WDFY4: variants seen among roughly 807,000 people sequenced by gnomAD.
WDFY4 encodes the protein WDFY family member 4.
WDFY4 carries 169 observed loss-of-function variants against 351.9 expected under a neutral mutation model. That is an observed-to-expected ratio of 0.48 (90% CI 0.42 to 0.55). The LOEUF (loss-of-function observed/expected upper bound fraction) is 0.55, where lower values mean the gene tolerates loss of function less well. WDFY4 is among the 20% of genes least tolerant of loss of function. The probability of loss-of-function intolerance (pLI) is 0.00; values close to 1 mark genes in which losing one functional copy is unlikely to be tolerated. For missense variants in WDFY4, 3,803 were observed against 3,935.6 expected, an observed-to-expected ratio of 0.97 and a Z score of 0.90; for synonymous variants, 1,622 against 1,574.6, an observed-to-expected ratio of 1.03 and a Z score of -0.71.
chr10:48,913,503 C>A (rs773741095), intron 47 of WDFY4: 1 of 1,613,758 alleles, frequency 6.2e-7, no homozygotes. Flanking sequence ...CAGGTTGTCC[C>A]GGGCGTTTTG....
chr10:48,815,445 C>A (rs1312222478), intron 31 of WDFY4, among the ~76,000 whole-genome samples: 1 of 151,932 alleles, frequency 6.6e-6, no homozygotes, highest in Admixed American at 6.6e-5. Context: ...CACTTTTTGC[C>A]CTTTTTGAAA....
intron 36 of WDFY4, among the ~76,000 whole-genome samples, chr10:48,828,087 G>T (rs1271049421): frequency 6.6e-6 from 1 of 152,120 alleles, no homozygotes; most frequent in Non-Finnish European, 1.5e-5. Flanking sequence ...TCCTTTCCAT[G>T]TTTGTCATTT....
At position 48,805,439 on chromosome 10, in the gene WDFY4, C is replaced by A; in HGVS notation, c.4646+18C>A. The A allele has an allele frequency of 6.5e-7, 1 of 1,545,744 alleles. No individual in the cohort carries two copies. Among genetic ancestry groups the A allele is most frequent in the African/African-American group, 1.4e-5 (1 of 73,154 alleles). ...TTGCTCAGGTACCACACCAAGCTGC[C>A]CAGGGGGAAGAGCAGGGCCCCAGGG... On this transcript the variant is annotated intron_variant, in intron 26 of 61. Transcript: ENST00000325239.
chr10:48,826,648 T>C, intron 35 of WDFY4, 23 bp from the exon 36 acceptor site: 1 of 1,516,944 alleles, frequency 6.6e-7, no homozygotes, highest in Admixed American at 2.0e-5. Context: ...TTTGTGTATG[T>C]GTATGTTTTT....
intron 1 of WDFY4, among the ~76,000 whole-genome samples, chr10:48,704,294 A>C (rs1452572804): frequency 6.6e-6 from 1 of 152,106 alleles, no homozygotes; most frequent in East Asian, 1.9e-4. Flanking sequence ...TCCTGGCCCC[A>C]CTGCCCCCTC....
intron 23 of WDFY4, among the ~76,000 whole-genome samples, chr10:48,795,641 C>T (rs970826971): frequency 3.0e-4 from 45 of 151,566 alleles, no homozygotes; most frequent in African/African-American, 9.0e-4. Flanking sequence ...GGAGAAAGGG[C>T]GGGCTGTGTT....
rs763003870 is a variant in WDFY4, at chr10:48,776,737, C to T, written c.2864-13C>T. The T allele has an allele frequency of 5.2e-5, 79 of 1,512,218 alleles. No individual in the cohort carries two copies. In the African/African-American group the frequency reaches 9.5e-4, roughly 18 times the overall value. 93.7% of individuals were successfully genotyped at this position (1,512,218 alleles called of 1,614,324 possible). ...GAGCAGAGACACATCTCTTCTCTTG[C>T]TTGCTGCCCTAGGGTCACAGACTGC... On this transcript the variant is annotated splice_polypyrimidine_tract_variant and intron_variant, in intron 15 of 61. Transcript: ENST00000325239.
intron 12 of WDFY4, among the ~76,000 whole-genome samples, chr10:48,755,003 TAG>T (rs891621757): frequency 1.2e-4 from 18 of 152,264 alleles, no homozygotes; most frequent in African/African-American, 4.3e-4. Flanking sequence ...AATTCATGTG[TAG>T]AGTCACACGA....
chr10:48,895,645 T>G (rs17011395), intron 44 of WDFY4, among the ~76,000 whole-genome samples: 34 of 152,212 alleles, frequency 2.2e-4, no homozygotes, highest in African/African-American at 8.0e-4. Context: ...TGTGTCCAGA[T>G]GATGAAAAGC....
intron 38 of WDFY4, among the ~76,000 whole-genome samples, chr10:48,831,237 C>T (rs1264442800): frequency 6.6e-6 from 1 of 152,194 alleles, no homozygotes; most frequent in African/African-American, 2.4e-5. Flanking sequence ...CACTGTCATG[C>T]AATGTCCTTG....
At chr10:48,787,886 T>TTCC (rs2066489317) in intron 20 of WDFY4, among the ~76,000 whole-genome samples, 1 of 82,154 alleles carries the variant, frequency 1.2e-5, no homozygotes, top group Admixed American at 1.1e-4. Flanking sequence ...TTCTTTCTTC[T>TTCC]TCTTCTCCTT....
chr10:48,897,525 A>G lies in WDFY4; in HGVS notation c.7388A>G (p.His2463Arg). Residue 2463 changes from histidine (H) to arginine (R), a missense_variant, in exon 45 of 62, where the codon CAC becomes CGC. This residue lies in a region of WDFY4 where 3,054 missense variants were observed against 3,148.6 expected (regional missense o/e 0.97). Coordinates refer to ENST00000325239, the MANE Select transcript of WDFY4 (RefSeq NM_001394531.1). ...RSTDHYSCQC[H>R]SYADMRELRQ... is the part of the protein sequence containing the mutation. ...ACTGACCATTACTCGTGCCAGTGCCACAGCTACGCTGACATGCGGGAGCTA... is the reference window on the plus strand; with the variant it reads ...ACTGACCATTACTCGTGCCAGTGCCGCAGCTACGCTGACATGCGGGAGCTA... The G allele has an allele frequency of 6.4e-7, 1 of 1,551,172 alleles. No individual in the cohort carries two copies. The highest frequency in any genetic ancestry group is 8.7e-7 in the Non-Finnish European group (1 of 1,147,002).
Position 48,873,498 on chromosome 10 carries a change from A to C in WDFY4, c.6749A>C (p.Lys2250Thr). ...TCTGTTTCTGCTCCCCAGAGGCGAA[A>C]ATGTGGCAACATCAAGGCAGCCAAC... is the stretch of plus-strand genomic sequence containing the variant. ...SLYKDHVQRR[K>T]CGNIKAANAW... Residue 2250 changes from lysine to threonine, a missense_variant, in exon 41 of 62, where the codon AAA (lysine) becomes ACA (threonine). Around this residue, in one of 3 missense-constraint regions of WDFY4, gnomAD observed 3,054 missense variants for 3,148.6 expected, o/e 0.97. Coordinates refer to ENST00000325239, the MANE Select transcript of WDFY4 (RefSeq NM_001394531.1). The C allele has an allele frequency of 6.5e-7, 1 of 1,549,004 alleles. No individual in the cohort carries two copies. The highest frequency in any genetic ancestry group is 8.7e-7 in the Non-Finnish European group (1 of 1,145,746).
chr10:48,890,681 CTG>C lies in WDFY4; in HGVS notation c.7272_7273del (p.Pro2426HisfsTer3). The C allele has an allele frequency of 6.4e-7, 1 of 1,551,714 alleles. No homozygotes were observed. The highest frequency in any genetic ancestry group is 8.7e-7 in the Non-Finnish European group (1 of 1,146,978). ...QHFYICENFT[L>X]SPTGDVYCTR... ...CTTCTACATCTGCGAGAACTTCACA[CTG>C]TCTCCCACGGGTGATGTCTACTGTA... On this transcript the variant is annotated frameshift_variant, in exon 44 of 62. Coordinates refer to ENST00000325239, the MANE Select transcript of WDFY4 (RefSeq NM_001394531.1). LOFTEE classifies it high-confidence loss of function.
Position 48,743,524 on chromosome 10 carries a change from A to G in WDFY4, c.2435A>G (p.Lys812Arg). 1 of 1,537,306 alleles carries G rather than the reference A, an allele frequency of 6.5e-7. No individual in the cohort carries two copies. The highest frequency in any genetic ancestry group is 8.7e-7 in the Non-Finnish European group (1 of 1,145,476). ...ETGSDPQRNF[K>R]QWPDLEERMD... ...GGCAGTGACCCCCAACGCAACTTCAAGCAGTGGCCAGACCTGGAGGAGAGG... is the reference window on the plus strand; with the variant it reads ...GGCAGTGACCCCCAACGCAACTTCAGGCAGTGGCCAGACCTGGAGGAGAGG... Residue 812 changes from lysine (K) to arginine (R), a missense_variant, in exon 12 of 62, where the codon AAG becomes AGG. Around this residue, in one of 3 missense-constraint regions of WDFY4, gnomAD observed 3,054 missense variants for 3,148.6 expected, o/e 0.97. Transcript: ENST00000325239.
intron 1 of WDFY4, among the ~76,000 whole-genome samples, chr10:48,690,292 A>G (rs1439503299): frequency 6.6e-6 from 1 of 152,238 alleles, no homozygotes; most frequent in Non-Finnish European, 1.5e-5. Context: ...GGAAAAGGGC[A>G]ATGTAGAACA....
intron 51 of WDFY4, 129 bp from the exon 52 acceptor site, chr10:48,957,000 C>T (rs757892633): frequency 6.8e-5 from 84 of 1,239,132 alleles, no homozygotes; most frequent in East Asian, 1.3e-4. Flanking sequence ...GATGGGTACA[C>T]GTGTGTGAGG....
At chr10:48,692,642 AGTT>A (rs1033179420) in intron 1 of WDFY4, among the ~76,000 whole-genome samples, 113 of 152,326 alleles carry the variant, frequency 7.4e-4, no homozygotes, top group African/African-American at 2.5e-3. Flanking sequence ...TGGGAGCCGC[AGTT>A]GTTATAGGCA....
At chr10:48,937,732 T>C (rs1347141175) in intron 47 of WDFY4, among the ~76,000 whole-genome samples, 1 of 152,236 alleles carries the variant, frequency 6.6e-6, no homozygotes, top group African/African-American at 2.4e-5. Context: ...AGAGGTTTAA[T>C]GAGCTGTTCA....
Sources: gnomAD v4.1 joint callset for allele counts (sites outside exome capture counted in the v4.1 genomes callset) on GRCh38, gnomAD v4.1.1 for gene constraint, gnomAD v4.1.1 regional missense constraint, MANE v1.5 for transcripts, NCBI Gene and HGNC (gene_info 2026-07-23, HGNC 2026-07-21) for gene names.